PRH1: variants seen among roughly 807,000 people sequenced by gnomAD.
The protein encoded by PRH1 is proline rich protein HaeIII subfamily 1.
A neutral mutation model predicts 7.9 loss-of-function variants in PRH1; 7 were observed. The observed-to-expected ratio is 0.89, with a 90% CI of 0.50 to 1.67. The LOEUF is 1.67. Ranked by LOEUF, PRH1 falls within the 40% of genes most tolerant of loss-of-function variation. PRH1 has a pLI of 0.00. For missense variants in PRH1, 109 were observed against 223.6 expected, an observed-to-expected ratio of 0.49 and a Z score of 3.27; for synonymous variants, 45 against 80.8, an observed-to-expected ratio of 0.56 and a Z score of 2.38.
At chr12:11,142,347 C>A (rs1946724562) in intron 1 of PRH1, among the ~76,000 whole-genome samples, 2 of 152,140 alleles carry the variant, frequency 1.3e-5, no homozygotes, top group Middle Eastern at 6.8e-3. Context: ...GAAAACCACT[C>A]CTAAAATATA....
chr12:11,098,705 C>T (rs970723022), intron 1 of PRH1, among the ~76,000 whole-genome samples: 2 of 152,168 alleles, frequency 1.3e-5, no homozygotes, highest in East Asian at 3.9e-4. Context: ...ATCCAAACTG[C>T]TTTTATCAAA....
chr12:10,987,530 T>C (rs571511828), intron 1 of PRH1, among the ~76,000 whole-genome samples: 2 of 151,368 alleles, frequency 1.3e-5, no homozygotes, highest in African/African-American at 4.9e-5. Flanking sequence ...CATAAATAGA[T>C]ACAAACACAG....
At chr12:11,168,272 GAAAGAAAGAAAGAAA>G (rs1565725501) in intron 1 of PRH1, among the ~76,000 whole-genome samples, 7 of 32,012 alleles carry the variant, frequency 2.2e-4, no homozygotes, top group African/African-American at 6.0e-4. Flanking sequence ...AAGAAAGAAA[GAAAGAAAGAAAGAAA>G]GAAAGAAAGA....
At chr12:11,109,895 C>T (rs1945537013) in intron 1 of PRH1, among the ~76,000 whole-genome samples, 1 of 151,938 alleles carries the variant, frequency 6.6e-6, no homozygotes, top group South Asian at 2.1e-4. Flanking sequence ...ATGGTCTAAC[C>T]CAATGCAAGG....
chr12:10,990,572 G>C (rs1939886133), intron 1 of PRH1, among the ~76,000 whole-genome samples: 2 of 152,134 alleles, frequency 1.3e-5, no homozygotes, highest in African/African-American at 4.8e-5. Flanking sequence ...ACTCTAATGA[G>C]ATGAGAAGCC....
chr12:11,108,096 C>T (rs1223240741), intron 1 of PRH1, among the ~76,000 whole-genome samples: 3 of 152,084 alleles, frequency 2.0e-5, no homozygotes, highest in African/African-American at 7.2e-5. Context: ...ATCCTTCAAA[C>T]GTGAAAGAGA....
rs550110803 is a variant in PRH1, at chr12:10,914,135, C to T, written c.-58-29860G>A. ...ACAAGATAGGGAGTGGCAAAACATT[C>T]GATAGCAGTCACCTGTGGTTATGTG... On this transcript the variant is annotated intron_variant, in intron 2 of 3. Coordinates refer to the PRH1 transcript ENST00000539853. 2.6e-5 allele frequency among the ~76,000 whole-genome samples: 4 copies of T among 152,170 alleles called. No homozygotes were observed. In the South Asian group the frequency reaches 6.2e-4, roughly 24 times the overall value.
chr12:11,016,476 T>G (rs1165672247), intron 1 of PRH1, among the ~76,000 whole-genome samples: 1 of 152,210 alleles, frequency 6.6e-6, no homozygotes. Context: ...AGTACCACCA[T>G]GCCAAACTAA....
chr12:11,092,264 GGTGTT>G, intron 1 of PRH1: 1 of 1,220,042 alleles, frequency 8.2e-7, no homozygotes, highest in Non-Finnish European at 1.2e-6. Context: ...TTTAAATGCT[GGTGTT>G]GTGTCCGGAA....
intron 1 of PRH1, 68 bp from the exon 2 acceptor site, chr12:10,883,164 C>T (rs553528195): frequency 2.0e-5 from 31 of 1,550,542 alleles, no homozygotes; most frequent in African/African-American, 6.8e-5. Flanking sequence ...TAGTGTTCTA[C>T]GAGGATAAAG....
At chr12:11,133,764 T>C in intron 1 of PRH1, 1 of 1,614,202 alleles carries the variant, frequency 6.2e-7, no homozygotes, top group Non-Finnish European at 8.5e-7. Flanking sequence ...CAAGTCACGT[T>C]TCCTTCATAT....
chr12:11,021,357 A>T (rs1425918392), intron 1 of PRH1, among the ~76,000 whole-genome samples: 1 of 152,178 alleles, frequency 6.6e-6, no homozygotes, highest in Non-Finnish European at 1.5e-5. Context: ...TCTTAATTAT[A>T]AAGAGAGATA....
rs1029253752 is a variant in PRH1, at chr12:11,167,496, G to C, written n.39+3926C>G. 2.0e-5 allele frequency among the ~76,000 whole-genome samples: 3 copies of C among 150,322 alleles called. No individual in the cohort carries two copies. The East Asian group carries it at 5.9e-4, about 29-fold the overall frequency. On this transcript the variant is annotated intron_variant and non_coding_transcript_variant, in intron 1 of 1. Coordinates refer to the PRH1 transcript ENST00000541175. ...GTCTCGCTCTGTCACCCAGGCTGGA[G>C]TGCAGTGGCCCCATCTCGGCTCACT...
At chr12:11,039,035 G>C (rs1313359988) in intron 1 of PRH1, among the ~76,000 whole-genome samples, 2 of 152,144 alleles carry the variant, frequency 1.3e-5, no homozygotes, top group Admixed American at 6.5e-5. Flanking sequence ...CATACTGTAA[G>C]GGATATTTCA....
At chr12:10,997,030 C>G in intron 1 of PRH1, 2 of 1,613,974 alleles carry the variant, frequency 1.2e-6, no homozygotes, top group Non-Finnish European at 1.7e-6. Flanking sequence ...GCGTCTTGTT[C>G]CCCCAAATCA....
At chr12:11,152,612 T>C (rs1224021570) in intron 1 of PRH1, among the ~76,000 whole-genome samples, 1 of 152,202 alleles carries the variant, frequency 6.6e-6, no homozygotes, top group African/African-American at 2.4e-5. Flanking sequence ...GCTTGGGAGA[T>C]GACAGTAGAT....
chr12:10,913,092 G>A (rs567266240), intron 2 of PRH1, among the ~76,000 whole-genome samples: 5 of 152,238 alleles, frequency 3.3e-5, no homozygotes, highest in South Asian at 2.1e-4. Flanking sequence ...TGCATAGAGC[G>A]TTAGAATTGT....
intron 1 of PRH1, among the ~76,000 whole-genome samples, chr12:11,155,888 C>T (rs1592119220): frequency 6.6e-6 from 1 of 152,122 alleles, no homozygotes; most frequent in Non-Finnish European, 1.5e-5. Flanking sequence ...TACTCAGACT[C>T]TCTTCACAGA....
At chr12:10,929,809 G>A (rs1950177308) in intron 2 of PRH1, among the ~76,000 whole-genome samples, 1 of 152,184 alleles carries the variant, frequency 6.6e-6, no homozygotes, top group African/African-American at 2.4e-5. Context: ...AATCACCAGA[G>A]TGAAATATTG....
Sources: gnomAD v4.1 joint callset for allele counts (sites outside exome capture counted in the v4.1 genomes callset) on GRCh38, gnomAD v4.1.1 for gene constraint, MANE v1.5 for transcripts, NCBI Gene and HGNC (gene_info 2026-07-23, HGNC 2026-07-21) for gene names.